The following TMEM132D variants were observed in gnomAD, a reference collection of about 807,000 sequenced individuals.
The protein encoded by TMEM132D is mature OL transmembrane protein.
In TMEM132D, 21 loss-of-function variants were observed where a neutral mutation model predicts 62.3. That is an observed-to-expected ratio of 0.34 (90% CI 0.24 to 0.49). TMEM132D has a LOEUF of 0.49. TMEM132D is among the 20% of genes least tolerant of loss of function. The pLI is 0.99. For synonymous variants in TMEM132D, 621 were observed against 575.6 expected (o/e 1.08, Z -1.13); for missense variants, 1,346 against 1,402.8 (o/e 0.96, Z 0.65).
chr12:129,534,991 C>A (rs1364070199), intron 2 of TMEM132D, among the ~76,000 whole-genome samples: 2 of 152,158 alleles, frequency 1.3e-5, no homozygotes, highest in Non-Finnish European at 2.9e-5. Context: ...AATTATATAA[C>A]AAGGGGAGGC....
intron 5 of TMEM132D, among the ~76,000 whole-genome samples, chr12:129,107,159 G>A (rs1469218681): frequency 6.6e-6 from 1 of 152,194 alleles, no homozygotes; most frequent in African/African-American, 2.4e-5. Context: ...TAGGAAAGAT[G>A]AAATGGCACC....
intron 3 of TMEM132D, among the ~76,000 whole-genome samples, chr12:129,349,988 A>G (rs568708430): frequency 6.6e-6 from 1 of 152,354 alleles, no homozygotes; most frequent in South Asian, 2.1e-4. Context: ...AACTCTAAAA[A>G]GGACTGTTGC....
intron 2 of TMEM132D, among the ~76,000 whole-genome samples, chr12:129,550,429 C>T (rs1002720489): frequency 8.5e-5 from 13 of 152,280 alleles, no homozygotes; most frequent in African/African-American, 2.6e-4. Flanking sequence ...CCGTATTTCC[C>T]AGCCTCTTGA....
chr12:129,734,731 C>A (rs1039126792), intron 1 of TMEM132D, among the ~76,000 whole-genome samples: 1 of 152,022 alleles, frequency 6.6e-6, no homozygotes, highest in Non-Finnish European at 1.5e-5. Context: ...TATATGATTG[C>A]TTCAGGAAAC....
intron 1 of TMEM132D, among the ~76,000 whole-genome samples, chr12:129,768,322 A>C (rs867248766): frequency 1.3e-5 from 2 of 152,134 alleles, no homozygotes; most frequent in Admixed American, 6.6e-5. Flanking sequence ...TGTAAATTTT[A>C]CATTCCCATC....
At chr12:129,169,858 T>C (rs1490138988) in intron 5 of TMEM132D, among the ~76,000 whole-genome samples, 12 of 152,264 alleles carry the variant, frequency 7.9e-5, no homozygotes, top group Admixed American at 7.2e-4. Flanking sequence ...TACCTTTTAT[T>C]CTTTTACAAA....
chr12:129,472,012 A>G (rs1874106649), intron 3 of TMEM132D, among the ~76,000 whole-genome samples: 2 of 152,236 alleles, frequency 1.3e-5, no homozygotes, highest in African/African-American at 4.8e-5. Context: ...CCATGACATA[A>G]AAGTGCAAAG....
At chr12:129,737,875 G>T (rs1869477603) in intron 1 of TMEM132D, among the ~76,000 whole-genome samples, 1 of 152,246 alleles carries the variant, frequency 6.6e-6, no homozygotes, top group African/African-American at 2.4e-5. Flanking sequence ...GTGAAAATGA[G>T]CACCATGCTT....
intron 2 of TMEM132D, among the ~76,000 whole-genome samples, chr12:129,547,058 A>G (rs1487222114): frequency 6.6e-6 from 1 of 152,192 alleles, no homozygotes; most frequent in Non-Finnish European, 1.5e-5. Flanking sequence ...GTCAGAAATC[A>G]CTAGCTCTCA....
At chr12:129,255,852 T>G (rs1880386701) in intron 4 of TMEM132D, among the ~76,000 whole-genome samples, 1 of 152,194 alleles carries the variant, frequency 6.6e-6, no homozygotes, top group Non-Finnish European at 1.5e-5. Flanking sequence ...AGATATCTCC[T>G]TATCGCTCAT....
chr12:129,523,109 C>A (rs1007189213), intron 3 of TMEM132D, among the ~76,000 whole-genome samples: 2 of 111,398 alleles, frequency 1.8e-5, no homozygotes, highest in Non-Finnish European at 4.2e-5. Flanking sequence ...TACACACGCA[C>A]GTGCACACAC....
intron 1 of TMEM132D, among the ~76,000 whole-genome samples, chr12:129,735,423 A>C (rs1385118113): frequency 6.6e-6 from 1 of 152,236 alleles, no homozygotes; most frequent in Non-Finnish European, 1.5e-5. Flanking sequence ...CAAATTATAC[A>C]TTAGCATAAA....
chr12:129,121,473 A>G (rs148988815), intron 5 of TMEM132D, among the ~76,000 whole-genome samples: 1 of 152,296 alleles, frequency 6.6e-6, no homozygotes, highest in East Asian at 1.9e-4. Context: ...AAAGTTAGAA[A>G]GGGGCAAAAG....
chr12:129,318,676 C>A (rs1868570163), intron 4 of TMEM132D, among the ~76,000 whole-genome samples: 1 of 152,128 alleles, frequency 6.6e-6, no homozygotes, highest in Non-Finnish European at 1.5e-5. Flanking sequence ...CCCTAGATCT[C>A]CCAAGGTTGT....
chr12:129,481,499 A>G (rs1318975799), intron 3 of TMEM132D, among the ~76,000 whole-genome samples: 1 of 151,440 alleles, frequency 6.6e-6, no homozygotes, highest in African/African-American at 2.4e-5. Context: ...CTGTAAGACA[A>G]ACTAACCTAT....
At chr12:129,490,304 C>T (rs1002145803) in intron 3 of TMEM132D, among the ~76,000 whole-genome samples, 1 of 151,630 alleles carries the variant, frequency 6.6e-6, no homozygotes, top group Non-Finnish European at 1.5e-5. Context: ...GTTTAGATGT[C>T]TATGTGTTTG....
At chr12:129,191,234 C>T (rs565692919) in intron 5 of TMEM132D, among the ~76,000 whole-genome samples, 19 of 150,882 alleles carry the variant, frequency 1.3e-4, no homozygotes, top group African/African-American at 4.1e-4. Flanking sequence ...ATATGCTATA[C>T]ATATATGTGT....
chr12:129,434,033 C>G (rs563823584), intron 3 of TMEM132D, among the ~76,000 whole-genome samples: 1 of 152,304 alleles, frequency 6.6e-6, no homozygotes, highest in African/African-American at 2.4e-5. Flanking sequence ...ACTAGGGATA[C>G]TTTCGCAGGG....
At chr12:129,449,298 A>G (rs763114410) in intron 3 of TMEM132D, among the ~76,000 whole-genome samples, 3 of 152,234 alleles carry the variant, frequency 2.0e-5, no homozygotes, top group Non-Finnish European at 4.4e-5. Flanking sequence ...ATGCTTTGAG[A>G]ATAAGTTAGG....
Sources: allele counts gnomAD v4.1 joint callset (sites outside exome capture counted in the v4.1 genomes callset), GRCh38; gene constraint gnomAD v4.1.1; transcripts MANE v1.5; gene names NCBI Gene and HGNC (gene_info 2026-07-23, HGNC 2026-07-21).